The following SUPT3H variants were observed in gnomAD, a reference collection of about 807,000 sequenced individuals.
The protein encoded by SUPT3H is transcription initiation protein SPT3 homolog.
In SUPT3H, 44 loss-of-function variants were observed where a neutral mutation model predicts 44.3. The observed-to-expected ratio is 0.99, with a 90% CI of 0.78 to 1.28. The LOEUF (loss-of-function observed/expected upper bound fraction) is 1.28. SUPT3H is among the 50% of genes most tolerant of loss of function. The probability of loss-of-function intolerance (pLI) is 0.00; values close to 1 mark genes in which losing one functional copy is unlikely to be tolerated. For missense variants in SUPT3H, 380 were observed against 387.1 expected (o/e 0.98, Z 0.15); for synonymous variants, 124 against 125.6 (o/e 0.99, Z 0.09).
chr6:45,257,408 T>G (rs902803811), intron 2 of SUPT3H, among the ~76,000 whole-genome samples: 1 of 152,186 alleles, frequency 6.6e-6, no homozygotes, highest in African/African-American at 2.4e-5. Flanking sequence ...GCAAGAAGGA[T>G]AGACATTTCC....
chr6:45,261,071 T>A (rs1774283248), intron 2 of SUPT3H, among the ~76,000 whole-genome samples: 1 of 151,986 alleles, frequency 6.6e-6, no homozygotes, highest in Non-Finnish European at 1.5e-5. Context: ...TTTAAAACCC[T>A]ACCAATCAAA....
intron 4 of SUPT3H, among the ~76,000 whole-genome samples, chr6:45,015,704 T>C (rs1034570304): frequency 1.4e-5 from 2 of 148,006 alleles, no homozygotes; most frequent in Non-Finnish European, 2.9e-5. Context: ...CGTTTTTCCT[T>C]TATATCCTTA....
chr6:44,946,546 A>T (rs548253764), intron 9 of SUPT3H, among the ~76,000 whole-genome samples: 41 of 152,278 alleles, frequency 2.7e-4, no homozygotes, highest in African/African-American at 9.9e-4. Flanking sequence ...AGCGGTCCAG[A>T]CTTCAGTGGA....
At chr6:44,849,507 G>A (rs1284230193) in intron 10 of SUPT3H, among the ~76,000 whole-genome samples, 2 of 152,096 alleles carry the variant, frequency 1.3e-5, no homozygotes, top group African/African-American at 4.8e-5. Flanking sequence ...GATTACAGGC[G>A]TGAGCCACCG....
chr6:45,285,569 A>C (rs1416565405), intron 2 of SUPT3H, among the ~76,000 whole-genome samples: 1 of 152,114 alleles, frequency 6.6e-6, no homozygotes, highest in African/African-American at 2.4e-5. Flanking sequence ...GAGAACTACA[A>C]ACCACTGCTC....
rs1470065552 is a variant in SUPT3H at position 44,991,076 on chromosome 6, G to A, written c.504+12577C>T. Among the ~76,000 whole-genome samples the A allele has an allele frequency of 3.9e-5, 6 of 152,052 alleles. No individual in the cohort carries two copies. In the South Asian group the frequency reaches 1.0e-3, roughly 26 times the overall value. ...ATGACTGTCTTCTACTATTTGAGGT[G>A]AGAATAATGAGGAAATAAAAGTCCT... On this transcript the variant is annotated intron_variant, in intron 6 of 10. Transcript: ENST00000371459.
chr6:45,124,414 C>A (rs369765904), intron 2 of SUPT3H, among the ~76,000 whole-genome samples: 1 of 151,870 alleles, frequency 6.6e-6, no homozygotes, highest in East Asian at 1.9e-4. Flanking sequence ...GAGGCCGAGG[C>A]AGGTGAATTA....
chr6:45,268,635 A>T (rs906025871), intron 2 of SUPT3H, among the ~76,000 whole-genome samples: 1 of 152,222 alleles, frequency 6.6e-6, no homozygotes, highest in Non-Finnish European at 1.5e-5. Context: ...CAGCAGAGGC[A>T]CACAGAAAAC....
chr6:45,072,651 G>A (rs4142275), intron 3 of SUPT3H, among the ~76,000 whole-genome samples: 1 of 141,470 alleles, frequency 7.1e-6, no homozygotes, highest in Non-Finnish European at 1.6e-5. Flanking sequence ...AGCATAAAAA[G>A]GAGGAAAACA....
At chr6:45,286,810 C>G (rs1325283948) in intron 2 of SUPT3H, among the ~76,000 whole-genome samples, 1 of 152,158 alleles carries the variant, frequency 6.6e-6, no homozygotes, top group African/African-American at 2.4e-5. Flanking sequence ...TATTGCAGCA[C>G]TATTCACAAT....
intron 10 of SUPT3H, among the ~76,000 whole-genome samples, chr6:44,906,164 A>G (rs764003632): frequency 1.3e-5 from 2 of 152,204 alleles, no homozygotes; most frequent in Non-Finnish European, 2.9e-5. Flanking sequence ...CCTAAAACCT[A>G]AAGTATAATA....
chr6:44,829,636 A>AACAAG lies in SUPT3H; in HGVS notation c.*175_*179dup. On this transcript the variant is annotated 3_prime_UTR_variant, in exon 11 of 11. Transcript: ENST00000371459. ...AATTAGCTGAACAGCCCATCTAGTA[A>AACAAG]ACAAGACCGATGGTTGAGGGGCTGG... 1 of 650,796 alleles carries AACAAG rather than the reference A, an allele frequency of 1.5e-6. No homozygotes were observed. Among genetic ancestry groups the AACAAG allele is most frequent in the Non-Finnish European group, 2.7e-6 (1 of 369,000 alleles). 40.3% of individuals were successfully genotyped at this position (650,796 alleles called of 1,614,324 possible). A position where few individuals can be genotyped will look rare whatever the true frequency, so the allele number is the denominator to read the frequency against.
chr6:45,058,858 CAT>C (rs1377753512), intron 3 of SUPT3H, among the ~76,000 whole-genome samples: 4 of 152,026 alleles, frequency 2.6e-5, no homozygotes, highest in Admixed American at 2.6e-4. Context: ...CCCATCTTTC[CAT>C]GTGAAATCTT....
At chr6:45,247,331 T>A (rs1017993203) in intron 2 of SUPT3H, among the ~76,000 whole-genome samples, 3 of 152,202 alleles carry the variant, frequency 2.0e-5, no homozygotes, top group Non-Finnish European at 4.4e-5. Context: ...ACTTGGCCTT[T>A]GGGGTGTTCC....
At chr6:44,857,206 T>A (rs1773881148) in intron 10 of SUPT3H, among the ~76,000 whole-genome samples, 1 of 152,196 alleles carries the variant, frequency 6.6e-6, no homozygotes, top group Non-Finnish European at 1.5e-5. Context: ...TTTATCCAGA[T>A]GTTCTGAAAA....
chr6:45,174,008 A>G (rs1006601377), intron 2 of SUPT3H, among the ~76,000 whole-genome samples: 2 of 152,232 alleles, frequency 1.3e-5, no homozygotes, highest in Admixed American at 6.5e-5. Flanking sequence ...TGTGGCCACA[A>G]TGGTTTGCTT....
intron 2 of SUPT3H, among the ~76,000 whole-genome samples, chr6:45,295,214 G>GA (rs942196646): frequency 4.6e-5 from 7 of 151,672 alleles, no homozygotes; most frequent in Non-Finnish European, 8.8e-5. Flanking sequence ...ACTGATCTTT[G>GA]AAAAAAACAA....
intron 10 of SUPT3H, among the ~76,000 whole-genome samples, chr6:44,893,680 A>G (rs1487206570): frequency 4.0e-5 from 6 of 150,260 alleles, no homozygotes; most frequent in Admixed American, 1.3e-4. Flanking sequence ...CGCAATAAAC[A>G]TATGTGTGCA....
chr6:45,204,396 A>C (rs1418613121), intron 2 of SUPT3H, among the ~76,000 whole-genome samples: 4 of 152,184 alleles, frequency 2.6e-5, no homozygotes, highest in Non-Finnish European at 4.4e-5. Flanking sequence ...ACAGCCATGC[A>C]GAAGATACAC....
Sources: gnomAD v4.1 joint callset for allele counts (sites outside exome capture counted in the v4.1 genomes callset) on GRCh38, gnomAD v4.1.1 for gene constraint, MANE v1.5 for transcripts, NCBI Gene and HGNC (gene_info 2026-07-23, HGNC 2026-07-21) for gene names.